EML4: variants seen among roughly 807,000 people sequenced by gnomAD.
EML4 encodes echinoderm microtubule-associated protein-like 4.
Under a neutral mutation model 129.0 loss-of-function variants are expected in EML4, and 72 were observed. That is an observed-to-expected ratio of 0.56 (90% confidence interval 0.46 to 0.68). The LOEUF is 0.68. EML4 is among the 30% of genes least tolerant of loss of function. The pLI is 0.00. For synonymous variants in EML4, 532 were observed against 405.0 expected, an observed-to-expected ratio of 1.31 and a Z score of -3.77; for missense variants, 1,363 against 1,190.6, an observed-to-expected ratio of 1.14 and a Z score of -2.13.
chr2:42,294,497 C>T (rs1416416942), intron 11 of EML4, among the ~76,000 whole-genome samples: 1 of 152,126 alleles, frequency 6.6e-6, no homozygotes, highest in Non-Finnish European at 1.5e-5. Context: ...GGAGTTCGAG[C>T]CCAGCCTAGC....
chr2:42,265,397 A>G (rs13397781), intron 6 of EML4, among the ~76,000 whole-genome samples: 73,704 of 151,774 alleles, frequency 0.49, 18,398 homozygotes, highest in East Asian at 0.74. Flanking sequence ...GAGCCATGGC[A>G]CCCGGCCAAT....
rs377686151 is a variant in EML4 at position 42,329,029 on chromosome 2, T to A, written c.2472+13T>A. The A allele has an allele frequency of 6.2e-7, 1 of 1,606,768 alleles. No individual in the cohort carries two copies. On this transcript the variant is annotated intron_variant, in intron 22 of 22. Transcript: ENST00000318522. Reference sequence around the variant, plus strand: ...CTCCAAAGCAAAGGTAAACTCACTTTAATAGAAACTAATGTTATAAGGCCT... The same window carrying A: ...CTCCAAAGCAAAGGTAAACTCACTTAAATAGAAACTAATGTTATAAGGCCT...
chr2:42,252,346 A>T (rs530899427), intron 2 of EML4, among the ~76,000 whole-genome samples: 1 of 152,330 alleles, frequency 6.6e-6, no homozygotes, highest in African/African-American at 2.4e-5. Flanking sequence ...TCCTGGCATT[A>T]TGATGGTTTC....
intron 11 of EML4, 144 bp from the exon 12 acceptor site, chr2:42,294,981 A>C (rs1667862984): frequency 1.5e-6 from 1 of 679,276 alleles, no homozygotes; most frequent in African/African-American, 1.9e-5. Flanking sequence ...ACATTATCAA[A>C]ATTTTTCAGG....
At chr2:42,204,226 T>C (rs575918533) in intron 1 of EML4, among the ~76,000 whole-genome samples, 7 of 152,274 alleles carry the variant, frequency 4.6e-5, no homozygotes, top group African/African-American at 1.7e-4. Flanking sequence ...GGCCTATCTT[T>C]CTTTAAAAAA....
At chr2:42,176,741 A>G (rs1042626677) in intron 1 of EML4, among the ~76,000 whole-genome samples, 2 of 152,212 alleles carry the variant, frequency 1.3e-5, no homozygotes, top group Non-Finnish European at 2.9e-5. Flanking sequence ...TAATTATTAC[A>G]GATCTTACAA....
At chr2:42,241,915 A>G (rs191696577) in intron 1 of EML4, among the ~76,000 whole-genome samples, 28 of 152,156 alleles carry the variant, frequency 1.8e-4, no homozygotes, top group Non-Finnish European at 1.5e-4. Flanking sequence ...AAGGCACAAT[A>G]TAAATGCAGG....
At chr2:42,295,633 A>G (rs1276173721) in intron 13 of EML4, 117 bp downstream of exon 13, 1 of 748,466 alleles carries the variant, frequency 1.3e-6, no homozygotes, top group African/African-American at 1.8e-5. Context: ...CAAGTCACCA[A>G]CATACCTTTT....
chr2:42,268,303 T>C (rs1399976449), intron 6 of EML4, among the ~76,000 whole-genome samples: 2 of 152,218 alleles, frequency 1.3e-5, no homozygotes, highest in African/African-American at 4.8e-5. Flanking sequence ...TACAGGAAGA[T>C]AGTCATAGAT....
rs529590482 is a variant in EML4 at position 42,245,833 on chromosome 2, G to T, written c.208+146G>T. 3.0e-5 allele frequency: 21 copies of T among 700,692 alleles called. No homozygotes were observed. In the Admixed American group the frequency reaches 6.6e-4, roughly 22 times the overall value. 43.4% of individuals were successfully genotyped at this position (700,692 alleles called of 1,614,324 possible). A position where few individuals can be genotyped will look rare whatever the true frequency, so the allele number is the denominator to read the frequency against. On this transcript the variant is annotated intron_variant, in intron 2 of 22. Coordinates refer to ENST00000318522, the MANE Select transcript of EML4 (RefSeq NM_019063.5). ...ATTTCGTTTTTTTAATTCCCAAAAAGTTCTGAAAGTTTATTCTTTATTATT... is the reference window on the plus strand; with the variant it reads ...ATTTCGTTTTTTTAATTCCCAAAAATTTCTGAAAGTTTATTCTTTATTATT...
In EML4 at chr2:42,169,504, G is replaced by T; in HGVS notation, c.-108G>T. The stretch of plus-strand genomic sequence containing the variant: ...GGAGGCGGGAGCCGGTAGCCGAGCC[G>T]GGCGACCTAGAGAACGAGCGGGTCA... On this transcript the variant is annotated 5_prime_UTR_variant, in exon 1 of 23. Transcript: ENST00000318522. 1 of 1,336,756 alleles carries T rather than the reference G, an allele frequency of 7.5e-7. No homozygotes were observed. The highest frequency in any genetic ancestry group is 1.0e-6 in the Non-Finnish European group (1 of 997,964). 82.8% of individuals were successfully genotyped at this position (1,336,756 alleles called of 1,614,324 possible).
intron 2 of EML4, among the ~76,000 whole-genome samples, chr2:42,250,010 G>T (rs912619206): frequency 6.6e-6 from 1 of 152,218 alleles, no homozygotes; most frequent in Non-Finnish European, 1.5e-5. Context: ...GATGAATTAT[G>T]TCACAGCTGG....
At chr2:42,310,626 A>G (rs996077883) in intron 17 of EML4, among the ~76,000 whole-genome samples, 1 of 152,190 alleles carries the variant, frequency 6.6e-6, no homozygotes, top group South Asian at 2.1e-4. Flanking sequence ...AATTACAGGC[A>G]TGAGCCCCCA....
chr2:42,220,644 T>G (rs558408946), intron 1 of EML4, among the ~76,000 whole-genome samples: 1 of 152,160 alleles, frequency 6.6e-6, no homozygotes, highest in East Asian at 1.9e-4. Context: ...AAAGGAAGAG[T>G]GCACGTTTCT....
intron 1 of EML4, among the ~76,000 whole-genome samples, chr2:42,213,854 G>A (rs926181440): frequency 8.5e-5 from 13 of 152,128 alleles, no homozygotes; most frequent in Non-Finnish European, 1.8e-4. Context: ...ATAAAATTAA[G>A]GATATTGATG....
intron 22 of EML4, among the ~76,000 whole-genome samples, chr2:42,329,320 T>G (rs1669974386): frequency 6.6e-6 from 1 of 152,228 alleles, no homozygotes; most frequent in South Asian, 2.1e-4. Context: ...TTTAAAATAT[T>G]TTATTTGTTG....
chr2:42,271,439 G>T (rs1666359448), intron 6 of EML4, among the ~76,000 whole-genome samples: 1 of 152,080 alleles, frequency 6.6e-6, no homozygotes, highest in East Asian at 1.9e-4. Context: ...ATAAAGCAAA[G>T]ATCTGATTTC....
chr2:42,256,543 C>G lies in EML4; in HGVS notation c.251C>G (p.Thr84Ser). ...PRAVIPMSCI[T>S]NGSGANRKPS... is the part of the protein sequence containing the mutation. The stretch of plus-strand genomic sequence containing the variant: ...GCAGTTATTCCCATGTCCTGTATAA[C>G]CAATGGAAGTGGTGCAAACAGAAAA... The change falls in exon 3 of 23, where the codon ACC (threonine) becomes AGC (serine). Residue 84 changes from threonine to serine, a missense_variant. Coordinates refer to ENST00000318522, the MANE Select transcript of EML4 (RefSeq NM_019063.5). The G allele has an allele frequency of 6.2e-7, 1 of 1,613,528 alleles. No homozygotes were observed. The highest frequency in any genetic ancestry group is 8.5e-7 in the Non-Finnish European group (1 of 1,179,696).
chr2:42,288,475 G>A, intron 11 of EML4, 153 bp downstream of exon 11: 4 of 446,146 alleles, frequency 9.0e-6, no homozygotes, highest in Non-Finnish European at 1.2e-5. Context: ...TGTCATAATC[G>A]TTAAGATATT....
Sources: allele counts gnomAD v4.1 joint callset (sites outside exome capture counted in the v4.1 genomes callset), GRCh38; gene constraint gnomAD v4.1.1; transcripts MANE v1.5; gene names NCBI Gene and HGNC (gene_info 2026-07-23, HGNC 2026-07-21).